Variants in LRRC4B observed in about 807,000 individuals in gnomAD.
LRRC4B encodes leucine rich repeat containing 4B.
LRRC4B carries 1 observed loss-of-function variant against 7.3 expected under a neutral mutation model. The observed-to-expected ratio is 0.14, with a 90% CI of 0.05 to 0.65. The LOEUF (loss-of-function observed/expected upper bound fraction) is 0.65, where lower values mean the gene tolerates loss of function less well. LRRC4B is among the 30% of genes least tolerant of loss of function. LRRC4B has a pLI of 0.84. For missense variants in LRRC4B, 730 were observed against 1,041.6 expected (o/e 0.70, Z 4.12); for synonymous variants, 500 against 499.2 (o/e 1.00, Z -0.02).
intron 2 of LRRC4B, among the ~76,000 whole-genome samples, chr19:50,539,482 C>A (rs1373064554): frequency 6.6e-6 from 1 of 152,110 alleles, no homozygotes; most frequent in Non-Finnish European, 1.5e-5. Flanking sequence ...ATTTTTGTTT[C>A]TTTTTCCTCA....
At chr19:50,522,459 A>ATTATTTATTTATTTATTTATTTATTTAT (rs71332009) in intron 2 of LRRC4B, among the ~76,000 whole-genome samples, 2 of 147,094 alleles carry the variant, frequency 1.4e-5, no homozygotes, top group Non-Finnish European at 3.0e-5. Context: ...TATTTTATTT[A>ATTATTTATTTATTTATTTATTTATTTAT]TTATTTATTT....
intron 2 of LRRC4B, among the ~76,000 whole-genome samples, chr19:50,521,084 A>AC (rs1159328094): frequency 4.0e-5 from 6 of 151,746 alleles, no homozygotes; most frequent in Admixed American, 3.9e-4. Context: ...GGCTGCTGTG[A>AC]CCCCCTGGAT....
intron 1 of LRRC4B, among the ~76,000 whole-genome samples, chr19:50,549,604 G>A (rs1011069964): frequency 1.3e-5 from 2 of 152,266 alleles, no homozygotes; most frequent in Admixed American, 1.3e-4. Context: ...GGAGAGAGAG[G>A]TAAGGTGGCA....
chr19:50,528,408 G>A (rs557785286), intron 2 of LRRC4B, among the ~76,000 whole-genome samples: 9 of 152,014 alleles, frequency 5.9e-5, no homozygotes, highest in African/African-American at 1.9e-4. Flanking sequence ...GCAGTGGTGC[G>A]ATCTCAGCTC....
chr19:50,565,139 T>G (rs1485423166), intron 1 of LRRC4B, among the ~76,000 whole-genome samples: 1 of 152,172 alleles, frequency 6.6e-6, no homozygotes, highest in Non-Finnish European at 1.5e-5. Context: ...TGGCCCTCCC[T>G]GCAGTGCACA....
Position 50,555,813 on chromosome 19 carries a change from GATAGGAAATTGACTAC to G in LRRC4B, c.-35-6956_-35-6941del, listed in dbSNP as rs1982256093. ...GCTAAATTCAGACGGCCAGAGGGAA[GATAGGAAATTGACTAC>G]CATTGCAGCAAGAGGCCTGGAGGTT... On this transcript the variant is annotated intron_variant, in intron 1 of 2. Transcript: ENST00000652263. This position sits in a 1 kb window ranked among gnomAD's most constrained non-coding sequence, Gnocchi z 5.2. 1 of 152,280 alleles carries G rather than the reference GATAGGAAATTGACTAC, an allele frequency of 6.6e-6. No homozygotes were observed. Among genetic ancestry groups the G allele is most frequent in the African/African-American group, 2.4e-5 (1 of 41,390 alleles). The allele number at this position is 152,280 out of a possible 1,614,324, so 9.4% of individuals were successfully genotyped here.
rs1012703243 is a variant in LRRC4B, at chr19:50,519,642, C to G, written c.298-227G>C. Among the ~76,000 whole-genome samples, 1 of 150,858 alleles carries G rather than the reference C, an allele frequency of 6.6e-6. No homozygotes were observed. Among genetic ancestry groups the G allele is most frequent in the Admixed American group, 6.6e-5 (1 of 15,150 alleles). The stretch of plus-strand genomic sequence containing the variant: ...CTGTAATCTCAGCACTTTGGGAGGC[C>G]GAGGCAGGTGGATCACTTGAGGTCA... On this transcript the variant is annotated intron_variant, in intron 2 of 2. Coordinates refer to ENST00000652263, the MANE Select transcript of LRRC4B (RefSeq NM_001080457.2). The surrounding 1 kb of genome is among the most constrained non-coding windows in gnomAD (Gnocchi z 8.1).
chr19:50,562,357 A>T (rs535069021), intron 1 of LRRC4B, among the ~76,000 whole-genome samples: 5 of 152,148 alleles, frequency 3.3e-5, no homozygotes, highest in Non-Finnish European at 7.3e-5. Flanking sequence ...AGGGATGATG[A>T]CTGTGCCTCC....
At chr19:50,552,253 G>A (rs369165461) in intron 1 of LRRC4B, among the ~76,000 whole-genome samples, 16 of 140,886 alleles carry the variant, frequency 1.1e-4, no homozygotes, top group African/African-American at 3.2e-4. Flanking sequence ...CTTGCCCAGC[G>A]TTTTCCTGCA....
At chr19:50,542,877 G>A (rs757361183) in intron 2 of LRRC4B, among the ~76,000 whole-genome samples, 5 of 152,252 alleles carry the variant, frequency 3.3e-5, no homozygotes, top group Non-Finnish European at 7.4e-5. Flanking sequence ...AAAGATGAAT[G>A]GCAACGTTCT....
In LRRC4B at chr19:50,518,262, T is replaced by A; in HGVS notation, c.1451A>T (p.Tyr484Phe). ...SGGVGGGSGG[Y>F]TYFTTVTVET... is the part of the protein sequence containing the mutation. ...CACGGTCACCGTGGTGAAGTAGGTG[T>A]AGCCGCCACTGCCCCCTCCAACACC... The change falls in exon 3 of 3, where the codon TAC becomes TTC. Residue 484 changes from tyrosine to phenylalanine, a missense_variant. Tyr to Phe is a conservative substitution (Grantham distance 22, BLOSUM62 3). Around this residue, in one of 6 missense-constraint regions of LRRC4B, gnomAD observed 192 missense variants for 228.6 expected, o/e 0.84. Transcript: ENST00000652263. The A allele has an allele frequency of 6.2e-7, 1 of 1,600,496 alleles. No homozygotes were observed.
At chr19:50,520,315 A>G (rs955248580) in intron 2 of LRRC4B, among the ~76,000 whole-genome samples, 2 of 150,888 alleles carry the variant, frequency 1.3e-5, no homozygotes, top group African/African-American at 4.9e-5. Context: ...AGTTACTTAG[A>G]AAGTTAAAAC....
intron 1 of LRRC4B, among the ~76,000 whole-genome samples, chr19:50,565,324 G>A (rs1223306475): frequency 1.3e-5 from 2 of 152,244 alleles, no homozygotes; most frequent in East Asian, 3.9e-4. Flanking sequence ...CACAAGGCAA[G>A]GGCCTCCTGC....
At chr19:50,567,490 C>A (rs947019339) in intron 1 of LRRC4B, among the ~76,000 whole-genome samples, 4 of 151,932 alleles carry the variant, frequency 2.6e-5, no homozygotes, top group Non-Finnish European at 5.9e-5. Flanking sequence ...CCTCTCCCCC[C>A]TCCCCATCAC....
At chr19:50,532,435 C>G (rs983978163) in intron 2 of LRRC4B, among the ~76,000 whole-genome samples, 2 of 152,132 alleles carry the variant, frequency 1.3e-5, no homozygotes, top group African/African-American at 4.8e-5. Context: ...CAGAACCTGC[C>G]CTGCTGCCCT....
At position 50,552,689 on chromosome 19, in the gene LRRC4B, C is replaced by CATCCACCCATCT. The variant is rs1982138022; in HGVS notation, c.-35-3817_-35-3816insAGATGGGTGGAT. On this transcript the variant is annotated intron_variant, in intron 1 of 2. Coordinates refer to ENST00000652263, the MANE Select transcript of LRRC4B (RefSeq NM_001080457.2). ...CCATCCATCCATCCATCCATCCATC[C>CATCCACCCATCT]GTCCATCCATCCGCCCATCCGTCCA... Among the ~76,000 whole-genome samples, 3 of 150,716 alleles carry CATCCACCCATCT rather than the reference C, an allele frequency of 2.0e-5. 1 individual carries two copies. The highest frequency in any genetic ancestry group is 7.4e-5 in the African/African-American group (3 of 40,700).
chr19:50,518,009 C>A lies in LRRC4B; in HGVS notation c.1704G>T (p.Leu568=). 1 of 1,545,570 alleles carries A rather than the reference C, an allele frequency of 6.5e-7. No individual in the cohort carries two copies. The highest frequency in any genetic ancestry group is 8.7e-7 in the Non-Finnish European group (1 of 1,149,604). ...TDVTENALKD[L]DDVMKTTKII... ...TTTTGGTGGTCTTCATGACGTCGTCCAGGTCCTTGAGGGCGTTCTCCGTCA... is the reference window on the plus strand; with the variant it reads ...TTTTGGTGGTCTTCATGACGTCGTCAAGGTCCTTGAGGGCGTTCTCCGTCA... The change falls in exon 3 of 3, where the codon CTG becomes CTT. Residue 568 remains leucine (L), a synonymous_variant. Coordinates refer to ENST00000652263, the MANE Select transcript of LRRC4B (RefSeq NM_001080457.2).
chr19:50,565,910 GT>G (rs1982614202), intron 1 of LRRC4B, among the ~76,000 whole-genome samples: 1 of 152,070 alleles, frequency 6.6e-6, no homozygotes, highest in African/African-American at 2.4e-5. Context: ...CTGTATGTGT[GT>G]TTCGGAGGCT....
At chr19:50,541,275 G>A (rs1340862266) in intron 2 of LRRC4B, among the ~76,000 whole-genome samples, 7 of 148,702 alleles carry the variant, frequency 4.7e-5, no homozygotes, top group Non-Finnish European at 1.0e-4. Flanking sequence ...TGAGGCAGGA[G>A]AATCGCTTGA....
Sources: gnomAD v4.1 joint callset for allele counts (sites outside exome capture counted in the v4.1 genomes callset) on GRCh38, gnomAD v4.1.1 for gene constraint, gnomAD v4.1.1 regional missense constraint, Gnocchi (gnomAD v3.1) non-coding constraint, MANE v1.5 for transcripts, NCBI Gene and HGNC (gene_info 2026-07-23, HGNC 2026-07-21) for gene names.